The following NAALADL2 variants were observed in gnomAD, a reference collection of about 807,000 sequenced individuals.
NAALADL2 encodes N-acetylated alpha-linked acidic dipeptidase like 2, also known as inactive N-acetylated-alpha-linked acidic dipeptidase-like protein 2.
In NAALADL2, 76 loss-of-function variants were observed where a neutral mutation model predicts 87.2. The observed-to-expected ratio is 0.87, with a 90% CI of 0.72 to 1.05. The LOEUF (loss-of-function observed/expected upper bound fraction) is 1.05, where lower values mean the gene tolerates loss of function less well. Among genes scored for constraint, NAALADL2 ranks in the 50% least tolerant of loss-of-function variants. The pLI is 0.00. For missense variants in NAALADL2, 1,089 were observed against 945.8 expected, an observed-to-expected ratio of 1.15 and a Z score of -1.99; for synonymous variants, 354 against 331.0, an observed-to-expected ratio of 1.07 and a Z score of -0.75.
In NAALADL2 at chr3:174,715,541, G is replaced by T. The variant is rs372175122; in HGVS notation, c.-114-22100G>T. 5.9e-5 allele frequency among the ~76,000 whole-genome samples: 9 copies of T among 152,254 alleles called. No homozygotes were observed. The East Asian group carries it at 1.4e-3, about 23-fold the overall frequency. ...ATAGGCATTCTCACATTTCACTGGA[G>T]AATGGGTTTCCTCTTTTCAGTCTTG... On this transcript the variant is annotated intron_variant, in intron 2 of 3. Transcript: ENST00000434257.
At chr3:174,848,416 G>T (rs1257852391) in intron 3 of NAALADL2, among the ~76,000 whole-genome samples, 1 of 151,998 alleles carries the variant, frequency 6.6e-6, no homozygotes, top group Non-Finnish European at 1.5e-5. Context: ...AATCTCTTTT[G>T]CCAACTTTCT....
At chr3:175,572,337 C>T (rs1037487083) in intron 9 of NAALADL2, among the ~76,000 whole-genome samples, 7 of 150,466 alleles carry the variant, frequency 4.7e-5, no homozygotes, top group African/African-American at 7.4e-5. Context: ...TTTAATAGAT[C>T]TTAACCCTCA....
chr3:175,127,614 A>T (rs547681827), intron 2 of NAALADL2, among the ~76,000 whole-genome samples: 14 of 152,202 alleles, frequency 9.2e-5, no homozygotes, highest in African/African-American at 3.1e-4. Flanking sequence ...GTGACCCCTT[A>T]TCTGGAAATA....
In NAALADL2 at chr3:174,720,849, C is replaced by T. The variant is rs144778130; in HGVS notation, c.-114-16792C>T. Reference sequence around the variant, plus strand: ...CGAATGTAGTATTTGGCTTCAAATTCCAGATGCAAGTTTATTAAAAAGTGT... The same window carrying T: ...CGAATGTAGTATTTGGCTTCAAATTTCAGATGCAAGTTTATTAAAAAGTGT... On this transcript the variant is annotated intron_variant, in intron 2 of 3. Transcript: ENST00000434257. Among the ~76,000 whole-genome samples the T allele has an allele frequency of 6.4e-3, 978 of 152,204 alleles. 6 individuals carry two copies. The highest frequency in any genetic ancestry group is 0.01 in the Non-Finnish European group (707 of 68,012).
intron 5 of NAALADL2, among the ~76,000 whole-genome samples, chr3:175,385,575 A>T (rs1768281564): frequency 6.6e-6 from 1 of 152,176 alleles, no homozygotes; most frequent in Non-Finnish European, 1.5e-5. Context: ...AGCAAAGCGA[A>T]TATAGTTAAC....
intron 9 of NAALADL2, among the ~76,000 whole-genome samples, chr3:175,479,901 T>C (rs1726215572): frequency 1.3e-5 from 2 of 151,808 alleles, no homozygotes; most frequent in Non-Finnish European, 3.0e-5. Flanking sequence ...AGTAATTTTA[T>C]GTATGTCTTC....
chr3:174,621,894 C>T (rs1471140822), intron 2 of NAALADL2, among the ~76,000 whole-genome samples: 2 of 152,118 alleles, frequency 1.3e-5, no homozygotes, highest in African/African-American at 2.4e-5. Context: ...AAGTTGCAGT[C>T]GTCATCCAGT....
At chr3:175,027,781 C>T (rs1448651128) in intron 1 of NAALADL2, among the ~76,000 whole-genome samples, 1 of 152,088 alleles carries the variant, frequency 6.6e-6, no homozygotes, top group Non-Finnish European at 1.5e-5. Context: ...TTTTATATTT[C>T]TAGCAGTGAC....
chr3:175,327,692 T>A (rs896227951), intron 5 of NAALADL2, among the ~76,000 whole-genome samples: 1 of 151,036 alleles, frequency 6.6e-6, no homozygotes, highest in Non-Finnish European at 1.5e-5. Context: ...CTTTCAGGGG[T>A]AGCAAACTAT....
intron 13 of NAALADL2, among the ~76,000 whole-genome samples, chr3:175,763,413 T>G (rs997436679): frequency 6.6e-6 from 1 of 152,160 alleles, no homozygotes; most frequent in Non-Finnish European, 1.5e-5. Context: ...TTGTCAAAAA[T>G]TACTCCAATG....
At chr3:175,585,414 A>G (rs1239897981) in intron 10 of NAALADL2, among the ~76,000 whole-genome samples, 1 of 152,146 alleles carries the variant, frequency 6.6e-6, no homozygotes, top group African/African-American at 2.4e-5. Context: ...CTTAATTCTT[A>G]TTCTTCTAGT....
intron 3 of NAALADL2, among the ~76,000 whole-genome samples, chr3:174,740,567 T>G (rs1057042308): frequency 1.3e-5 from 2 of 151,898 alleles, no homozygotes; most frequent in Non-Finnish European, 3.0e-5. Flanking sequence ...CCTGTGTGAA[T>G]ATTGCAGTTG....
intron 1 of NAALADL2, among the ~76,000 whole-genome samples, chr3:175,019,148 C>A (rs774600081): frequency 6.6e-6 from 1 of 151,936 alleles, no homozygotes; most frequent in Non-Finnish European, 1.5e-5. Context: ...ATAATTTTTA[C>A]GTCAGTTATG....
intron 2 of NAALADL2, among the ~76,000 whole-genome samples, chr3:174,615,993 T>C (rs1453354098): frequency 1.3e-5 from 2 of 151,936 alleles, no homozygotes; most frequent in Non-Finnish European, 2.9e-5. Context: ...CAGAAGTGAA[T>C]CTGAACAACT....
In NAALADL2 at chr3:175,495,092, A is replaced by ATTTTTT. The variant is rs59352149; in HGVS notation, c.1653+23338_1653+23343dup. 3.0e-3 allele frequency among the ~76,000 whole-genome samples: 408 copies of ATTTTTT among 136,494 alleles called. 5 individuals carry two copies. The highest frequency in any genetic ancestry group is 0.026 in the South Asian group (118 of 4,530). The allele number at this position is 136,494 out of a possible 152,430, so 89.5% of individuals were successfully genotyped here. On this transcript the variant is annotated intron_variant, in intron 9 of 13. Coordinates refer to ENST00000454872, the MANE Select transcript of NAALADL2 (RefSeq NM_207015.3). ...CAATCCCATATATATATATATATAT[A>ATTTTTT]TTTTTTTTTAATTTTAGATTATTTC...
chr3:175,155,701 A>G lies in NAALADL2; in HGVS notation c.545+58410A>G, dbSNP rs73881403. Among the ~76,000 whole-genome samples, 679 of 152,268 alleles carry G rather than the reference A, an allele frequency of 4.5e-3. 4 individuals are homozygous for G. The highest frequency in any genetic ancestry group is 0.017 in the Middle Eastern group (5 of 294). ...ATTTCTGTAGATATTTATGACTATT[A>G]CATTTAGAATATGTAGCCAGTGTTC... is the stretch of plus-strand genomic sequence containing the variant. On this transcript the variant is annotated intron_variant, in intron 2 of 13. Transcript: ENST00000454872.
chr3:175,506,687 G>C (rs774138786), intron 9 of NAALADL2, among the ~76,000 whole-genome samples: 1 of 152,218 alleles, frequency 6.6e-6, no homozygotes, highest in East Asian at 1.9e-4. Flanking sequence ...TACTTATTTC[G>C]TTCAACAATA....
At chr3:174,936,522 A>G (rs1042554384) in intron 1 of NAALADL2, among the ~76,000 whole-genome samples, 4 of 152,102 alleles carry the variant, frequency 2.6e-5, no homozygotes, top group African/African-American at 9.7e-5. Flanking sequence ...ATATTACTAA[A>G]GGTCGCTTGA....
At chr3:174,821,785 CTAAT>C (rs1490968833) in intron 3 of NAALADL2, among the ~76,000 whole-genome samples, 1 of 152,112 alleles carries the variant, frequency 6.6e-6, no homozygotes, top group African/African-American at 2.4e-5. Context: ...ATTGTTTAAA[CTAAT>C]TTATTTATTT....
Sources: allele counts gnomAD v4.1 joint callset (sites outside exome capture counted in the v4.1 genomes callset), GRCh38; gene constraint gnomAD v4.1.1; transcripts MANE v1.5; gene names NCBI Gene and HGNC (gene_info 2026-07-23, HGNC 2026-07-21).